BRCA2: variants seen among roughly 807,000 people sequenced by gnomAD.
BRCA2 encodes the protein BRCA2 DNA repair associated.
BRCA2 carries 203 observed loss-of-function variants against 276.7 expected under a neutral mutation model. The observed-to-expected ratio is 0.73, with a 90% CI of 0.65 to 0.82. BRCA2 has a LOEUF of 0.82. BRCA2 is among the 40% of genes least tolerant of loss of function. The pLI is 0.00. For synonymous variants in BRCA2, 1,289 were observed against 1,338.4 expected (o/e 0.96, Z 0.81); for missense variants, 3,920 against 3,915.0 (o/e 1.00, Z -0.03).
rs431825374 is a variant in BRCA2, at chr13:32,379,894, C to T, written c.9098C>T (p.Thr3033Ile). 6.2e-6 allele frequency: 10 copies of T among 1,613,492 alleles called. No homozygotes were observed. The highest frequency in any genetic ancestry group is 7.6e-6 in the Non-Finnish European group (9 of 1,179,708). Residue 3033 changes from threonine (T) to isoleucine (I), a missense_variant, in exon 23 of 27, where the codon ACT becomes ATT. By Grantham distance (89) the Thr-to-Ile change is moderately conservative (BLOSUM62 -1). Transcript: ENST00000380152. ...ANIQLAATKKTQYQQLPVSDE... is the reference protein window; with the variant it reads ...ANIQLAATKKIQYQQLPVSDE... ...ATACAGTTAGCAGCGACAAAAAAAA[C>T]TCAGTATCAACAACTACCGGTACAA...
rs587781943 is a variant in BRCA2, at chr13:32,357,830, G to A, written c.7706G>A (p.Gly2569Asp). Residue 2569 changes from glycine (G) to aspartate (D), a missense_variant, in exon 16 of 27, where the codon GGT becomes GAT. Physicochemically the swap from Gly to Asp is moderately conservative, Grantham distance 94. Around this residue, in one of 2 missense-constraint regions of BRCA2, gnomAD observed 3,263 missense variants for 3,156.9 expected, o/e 1.03. Coordinates refer to ENST00000380152, the MANE Select transcript of BRCA2 (RefSeq NM_000059.4). The stretch of plus-strand genomic sequence containing the variant: ...CAGTTTCACACTGAAGATTATTTTG[G>A]TAAGGAAAGTTTATGGACTGGAAAA... ...SFQFHTEDYF[G>D]KESLWTGKGI... 1.2e-6 allele frequency: 2 copies of A among 1,613,772 alleles called. No homozygotes were observed. Among genetic ancestry groups the A allele is most frequent in the East Asian group, 2.2e-5 (1 of 44,868 alleles).
intron 20 of BRCA2, among the ~76,000 whole-genome samples, chr13:32,372,615 C>T (rs1480570030): frequency 2.0e-5 from 3 of 152,142 alleles, no homozygotes; most frequent in African/African-American, 7.2e-5. Flanking sequence ...CCAGGTCTCT[C>T]CCTCAACACA....
rs80359056 is a variant in BRCA2 at position 32,363,336 on chromosome 13, G to A, written c.8134G>A (p.Asp2712Asn). 6.2e-6 allele frequency: 10 copies of A among 1,614,038 alleles called. No individual in the cohort carries two copies. Among genetic ancestry groups the A allele is most frequent in the Non-Finnish European group, 8.5e-6 (10 of 1,180,024 alleles). Residue 2712 changes from aspartate (D) to asparagine (N), a missense_variant, in exon 18 of 27, where the codon GAT becomes AAT. Coordinates refer to ENST00000380152, the MANE Select transcript of BRCA2 (RefSeq NM_000059.4). ...ETSSNKTSSA[D>N]TQKVAIIELT... The stretch of plus-strand genomic sequence containing the variant: ...TTCTAGCAATAAAACTAGTAGTGCA[G>A]ATACCCAAAAAGTGGCCATTATTGA...
rs2072509488 is a variant in BRCA2 at position 32,338,986 on chromosome 13, A to AG, written c.4631_4632insG (p.Asn1544LysfsTer4). 1 of 1,613,358 alleles carries AG rather than the reference A, an allele frequency of 6.2e-7. No homozygotes were observed. The highest frequency in any genetic ancestry group is 1.1e-5 in the South Asian group (1 of 90,956). On this transcript the variant is annotated frameshift_variant, in exon 11 of 27. Coordinates refer to ENST00000380152, the MANE Select transcript of BRCA2 (RefSeq NM_000059.4). LOFTEE classifies it high-confidence loss of function. Reference sequence around the variant, plus strand: ...AAGGAATCTTTGGACAAAGTGAAAAACCTTTTTGATGAAAAAGAGCAAGGT... The same window carrying AG: ...AAGGAATCTTTGGACAAAGTGAAAAAGCCTTTTTGATGAAAAAGAGCAAGGT...
intron 24 of BRCA2, among the ~76,000 whole-genome samples, chr13:32,392,780 A>G (rs2073006163): frequency 6.6e-6 from 1 of 152,096 alleles, no homozygotes; most frequent in Admixed American, 6.5e-5. Flanking sequence ...CTGTAGATGT[A>G]TTTGAAAAAT....
rs144062001 is a variant in BRCA2, at chr13:32,362,094, C to G, written c.7806-429C>G. Among the ~76,000 whole-genome samples the G allele has an allele frequency of 2.1e-3, 324 of 152,234 alleles. 3 individuals carry two copies. The highest frequency in any genetic ancestry group is 7.5e-3 in the African/African-American group (313 of 41,524). On this transcript the variant is annotated intron_variant, in intron 16 of 26. Transcript: ENST00000380152. ...CTGGAGTGCAGTGGCACTATCATGG[C>G]TCACTGCAGCCTCAACCTCCTGGGC... is the stretch of plus-strand genomic sequence containing the variant.
At chr13:32,359,664 C>G (rs2072725570) in intron 16 of BRCA2, among the ~76,000 whole-genome samples, 2 of 152,146 alleles carry the variant, frequency 1.3e-5, no homozygotes, top group Admixed American at 1.3e-4. Context: ...TTGTTTACAT[C>G]TTGCGTATCT....
In BRCA2 at chr13:32,340,460, T is replaced by C. The variant is rs1593907541; in HGVS notation, c.6105T>C (p.Thr2035=). Residue 2035 remains threonine, a synonymous_variant, in exon 11 of 27, where the codon ACT becomes ACC. Transcript: ENST00000380152. ...GAGAAGAAAATACTGCTATACGTAC[T>C]CCAGAACATTTAATATCCCAAAAAG... ...LTREENTAIR[T]PEHLISQKGF... is the part of the protein sequence containing the mutation. The C allele has an allele frequency of 1.2e-6, 2 of 1,613,798 alleles. No individual in the cohort carries two copies. Among genetic ancestry groups the C allele is most frequent in the Non-Finnish European group, 1.7e-6 (2 of 1,179,816 alleles).
At chr13:32,321,681 A>T (rs574859435) in intron 3 of BRCA2, among the ~76,000 whole-genome samples, 1 of 152,220 alleles carries the variant, frequency 6.6e-6, no homozygotes, top group South Asian at 2.1e-4. Context: ...TAGATTCAGT[A>T]TTGAAAAGTA....
Position 32,329,132 on chromosome 13 carries a change from A to G in BRCA2, c.632-311A>G, listed in dbSNP as rs576286780. On this transcript the variant is annotated intron_variant, in intron 7 of 26. Coordinates refer to ENST00000380152, the MANE Select transcript of BRCA2 (RefSeq NM_000059.4). ...GTCTAAATGAATGCTAAAGTCTCCA[A>G]GCTTTAGCTTTTAAGTCATAACCTC... Among the ~76,000 whole-genome samples, 14 of 152,320 alleles carry G rather than the reference A, an allele frequency of 9.2e-5. No homozygotes were observed. In the East Asian group the frequency reaches 2.5e-3, roughly 27 times the overall value.
At chr13:32,331,202 T>C (rs557415875) in intron 9 of BRCA2, among the ~76,000 whole-genome samples, 172 bp downstream of exon 9, 2 of 152,128 alleles carry the variant, frequency 1.3e-5, no homozygotes, top group Admixed American at 1.3e-4. Flanking sequence ...ATTACAAGCA[T>C]GCACCACCAT....
At position 32,325,195 on chromosome 13, in the gene BRCA2, G is replaced by A. The variant is rs2137447154; in HGVS notation, c.425+11G>A. On this transcript the variant is annotated intron_variant, in intron 4 of 26. Coordinates refer to ENST00000380152, the MANE Select transcript of BRCA2 (RefSeq NM_000059.4). The stretch of plus-strand genomic sequence containing the variant: ...TTGTCTTAGTGAAAGGTATGATGAA[G>A]CTATTATATTAAAATATTTAAATGA... 1 of 1,489,378 alleles carries A rather than the reference G, an allele frequency of 6.7e-7. No individual in the cohort carries two copies. Among genetic ancestry groups the A allele is most frequent in the Non-Finnish European group, 9.3e-7 (1 of 1,071,202 alleles). 92.3% of individuals were successfully genotyped at this position (1,489,378 alleles called of 1,614,324 possible).
chr13:32,321,036 A>G (rs2138708993), intron 3 of BRCA2, among the ~76,000 whole-genome samples: 1 of 152,348 alleles, frequency 6.6e-6, no homozygotes, highest in East Asian at 1.9e-4. Flanking sequence ...GGGGATGTGT[A>G]ATGGTCTAGG....
chr13:32,343,125 C>T (rs1333954370), intron 11 of BRCA2, among the ~76,000 whole-genome samples: 1 of 151,752 alleles, frequency 6.6e-6, no homozygotes, highest in Non-Finnish European at 1.5e-5. Context: ...TATTGTTGAC[C>T]AAAATGTCAT....
At position 32,367,469 on chromosome 13, in the gene BRCA2, A is replaced by G. The variant is rs917383207; in HGVS notation, c.8332-2933A>G. Among the ~76,000 whole-genome samples the G allele has an allele frequency of 2.0e-5, 3 of 151,456 alleles. 1 individual carries two copies. Among genetic ancestry groups the G allele is most frequent in the Admixed American group, 2.0e-4 (3 of 15,176 alleles). ...AAAAAAAGGATAATAACAGCAAAAA[A>G]TTGAAATTCATAACAAATGATAACT... On this transcript the variant is annotated intron_variant, in intron 18 of 26. Transcript: ENST00000380152.
At chr13:32,350,923 A>G (rs1309634760) in intron 13 of BRCA2, among the ~76,000 whole-genome samples, 2 of 152,092 alleles carry the variant, frequency 1.3e-5, no homozygotes, top group Non-Finnish European at 2.9e-5. Context: ...CTGTCCGGCT[A>G]AAGGATTGTA....
chr13:32,398,066 T>C (rs2073048026), intron 26 of BRCA2, 96 bp from the exon 27 acceptor site: 2 of 1,348,278 alleles, frequency 1.5e-6, no homozygotes, highest in South Asian at 1.3e-5. Context: ...TGTGTAATAT[T>C]TGCGTGCTTA....
intron 9 of BRCA2, 27 bp from the exon 10 acceptor site, chr13:32,332,245 A>G (rs761413113): frequency 1.3e-6 from 2 of 1,553,090 alleles, no homozygotes; most frequent in South Asian, 1.2e-5. Context: ...TAAAATATTA[A>G]TGTGCTTCTG....
At chr13:32,328,553 A>G (rs780941776) in intron 7 of BRCA2, among the ~76,000 whole-genome samples, 6 of 152,138 alleles carry the variant, frequency 3.9e-5, no homozygotes, top group Non-Finnish European at 8.8e-5. Context: ...CAAATTGCAG[A>G]TTATGACCTG....
Sources: allele counts gnomAD v4.1 joint callset (sites outside exome capture counted in the v4.1 genomes callset), GRCh38; gene constraint gnomAD v4.1.1; regional missense constraint gnomAD v4.1.1; transcripts MANE v1.5; gene names NCBI Gene and HGNC (gene_info 2026-07-23, HGNC 2026-07-21).